The following KCNQ1 variants were observed in gnomAD, a reference collection of about 807,000 sequenced individuals.
KCNQ1 encodes the protein potassium voltage-gated channel subfamily Q member 1.
Under a neutral mutation model 72.4 loss-of-function variants are expected in KCNQ1, and 49 were observed. The observed-to-expected ratio is 0.68, with a 90% CI of 0.54 to 0.86. The LOEUF (loss-of-function observed/expected upper bound fraction) is 0.86, where lower values mean the gene tolerates loss of function less well. Ranked by LOEUF, KCNQ1 falls within the 40% of genes least tolerant of loss-of-function variation. KCNQ1 has a pLI of 0.00. For synonymous variants in KCNQ1, 450 were observed against 412.6 expected (o/e 1.09, Z -1.10); for missense variants, 790 against 945.1 (o/e 0.84, Z 2.15).
chr11:2,778,004 G>A lies in KCNQ1; in HGVS notation c.1761G>A (p.Thr587=), dbSNP rs148794853. The A allele has an allele frequency of 2.5e-5, 40 of 1,613,602 alleles. No homozygotes were observed. Among genetic ancestry groups the A allele is most frequent in the Admixed American group, 5.0e-5 (3 of 59,998 alleles). Residue 587 remains threonine, a synonymous_variant, in exon 15 of 16, where the codon ACG becomes ACA. Transcript: ENST00000155840. The part of the protein sequence containing the change: ...SEKSKDRGSN[T]IGARLNRVED... ...AGAGCAAGGATCGCGGCAGCAACACGATCGGCGCCCGCCTGAACCGAGTAG... is the reference window on the plus strand; with the variant it reads ...AGAGCAAGGATCGCGGCAGCAACACAATCGGCGCCCGCCTGAACCGAGTAG...
rs1158235444 is a variant in KCNQ1 at position 2,645,365 on chromosome 11, C to T, written c.1394-16596C>T. 1 of 398,578 alleles carries T rather than the reference C, an allele frequency of 2.5e-6. No homozygotes were observed. The highest frequency in any genetic ancestry group is 4.4e-6 in the Non-Finnish European group (1 of 226,190). The allele number at this position is 398,578 out of a possible 1,614,324, so 24.7% of individuals were successfully genotyped here. ...GGCCCAGAGATGGTATGCGCTGGCA[C>T]TGGGAGAAAAGAGGGTGGGACCAGG... On this transcript the variant is annotated intron_variant, in intron 10 of 15. Coordinates refer to ENST00000155840, the MANE Select transcript of KCNQ1 (RefSeq NM_000218.3). This position sits in a 1 kb window ranked among gnomAD's most constrained non-coding sequence, Gnocchi z 5.8.
At position 2,715,110 on chromosome 11, in the gene KCNQ1, G is replaced by A. The variant is rs1025457076; in HGVS notation, c.1514+53029G>A. On this transcript the variant is annotated intron_variant, in intron 11 of 15. Transcript: ENST00000155840. This position sits in a 1 kb window ranked among gnomAD's most constrained non-coding sequence, Gnocchi z 4.9. ...CTGATGATACTTGGCGAGGATGACCGCAAGTGTCTTGACCCAAACATGAGA... is the reference window on the plus strand; with the variant it reads ...CTGATGATACTTGGCGAGGATGACCACAAGTGTCTTGACCCAAACATGAGA... Among the ~76,000 whole-genome samples the A allele has an allele frequency of 1.4e-4, 21 of 152,074 alleles. No individual in the cohort carries two copies. The highest frequency in any genetic ancestry group is 2.1e-4 in the South Asian group (1 of 4,826).
At position 2,651,062 on chromosome 11, in the gene KCNQ1, T is replaced by G; in HGVS notation, c.1394-10899T>G. On this transcript the variant is annotated intron_variant, in intron 10 of 15. Coordinates refer to ENST00000155840, the MANE Select transcript of KCNQ1 (RefSeq NM_000218.3). This position sits in a 1 kb window ranked among gnomAD's most constrained non-coding sequence, Gnocchi z 6.1. Reference sequence around the variant, plus strand: ...ACCACCATTTCTCTGCCTACATTGTTGTCCATACCTCATTACTGGTCTCTT... The same window carrying G: ...ACCACCATTTCTCTGCCTACATTGTGGTCCATACCTCATTACTGGTCTCTT... 2.5e-6 allele frequency: 1 copy of G among 398,852 alleles called. No homozygotes were observed. The highest frequency in any genetic ancestry group is 4.4e-6 in the Non-Finnish European group (1 of 226,202). 24.7% of individuals were successfully genotyped at this position (398,852 alleles called of 1,614,324 possible). A position where few individuals can be genotyped will look rare whatever the true frequency, so the allele number is the denominator to read the frequency against.
At chr11:2,487,955 T>G (rs1343449372) in intron 1 of KCNQ1, among the ~76,000 whole-genome samples, 1 of 152,184 alleles carries the variant, frequency 6.6e-6, no homozygotes, top group Non-Finnish European at 1.5e-5. Flanking sequence ...ATTCCTGACC[T>G]TAGAGGGAAA....
At chr11:2,636,871 T>C (rs1466361136) in intron 10 of KCNQ1, 3 of 152,254 alleles carry the variant, frequency 2.0e-5, no homozygotes, top group Non-Finnish European at 4.4e-5. Context: ...GAGCCTGTTA[T>C]TGGTCTTTTC....
In KCNQ1 at chr11:2,473,419, G is replaced by A. The variant is rs1190049636; in HGVS notation, c.386+27935G>A. ...CGTCCAGCAGGAGGCAGGAGAGCTGGTGTTTGGAGATGTGAGGGGCTGGGC... is the reference window on the plus strand; with the variant it reads ...CGTCCAGCAGGAGGCAGGAGAGCTGATGTTTGGAGATGTGAGGGGCTGGGC... On this transcript the variant is annotated intron_variant, in intron 1 of 15. Coordinates refer to ENST00000155840, the MANE Select transcript of KCNQ1 (RefSeq NM_000218.3). The surrounding 1 kb of genome is among the most constrained non-coding windows in gnomAD (Gnocchi z 6.0). Among the ~76,000 whole-genome samples the A allele has an allele frequency of 6.6e-6, 1 of 152,114 alleles. No homozygotes were observed.
chr11:2,790,064 T>C (rs1257421421), intron 15 of KCNQ1, among the ~76,000 whole-genome samples: 3 of 152,202 alleles, frequency 2.0e-5, no homozygotes, highest in Non-Finnish European at 4.4e-5. Flanking sequence ...CATATCCCTT[T>C]GACCACCAGG....
At chr11:2,753,590 C>T (rs1219036273) in intron 11 of KCNQ1, among the ~76,000 whole-genome samples, 1 of 152,196 alleles carries the variant, frequency 6.6e-6, no homozygotes, top group East Asian at 1.9e-4. Flanking sequence ...GAAGTATACA[C>T]CTCAGTGGCT....
chr11:2,796,407 A>G (rs958163580), intron 15 of KCNQ1, among the ~76,000 whole-genome samples: 2 of 152,200 alleles, frequency 1.3e-5, no homozygotes, highest in Admixed American at 6.5e-5. Context: ...GGTGGCAGGA[A>G]GCACCCATCG....
chr11:2,644,338 T>G (rs1849631996), intron 10 of KCNQ1: 1 of 398,276 alleles, frequency 2.5e-6, no homozygotes, highest in African/African-American at 2.1e-5. Flanking sequence ...GTGAAATTCT[T>G]TCTTCTGCTT....
intron 11 of KCNQ1, among the ~76,000 whole-genome samples, chr11:2,737,935 G>A (rs1389333158): frequency 6.6e-6 from 1 of 152,144 alleles, no homozygotes; most frequent in Non-Finnish European, 1.5e-5. Flanking sequence ...ACACCTGGGG[G>A]CACAGAATGA....
At chr11:2,779,842 C>T (rs1287559355) in intron 15 of KCNQ1, among the ~76,000 whole-genome samples, 1 of 152,196 alleles carries the variant, frequency 6.6e-6, no homozygotes, top group Non-Finnish European at 1.5e-5. Flanking sequence ...GCAGAGGGGC[C>T]AGCGCTGGCC....
At chr11:2,798,000 C>T (rs550032404) in intron 15 of KCNQ1, among the ~76,000 whole-genome samples, 2 of 152,336 alleles carry the variant, frequency 1.3e-5, no homozygotes, top group Admixed American at 1.3e-4. Flanking sequence ...AGGCCAAGTT[C>T]AGCCCTCTCA....
chr11:2,696,821 G>C (rs2133898742), intron 11 of KCNQ1: 1 of 398,554 alleles, frequency 2.5e-6, no homozygotes, highest in Non-Finnish European at 4.4e-6. Flanking sequence ...TCTGATTGCT[G>C]TCCTAATCTC....
In KCNQ1 at chr11:2,687,586, G is replaced by A; in HGVS notation, c.1514+25505G>A. 1 of 398,728 alleles carries A rather than the reference G, an allele frequency of 2.5e-6. No individual in the cohort carries two copies. Among genetic ancestry groups the A allele is most frequent in the East Asian group, 3.6e-5 (1 of 28,084 alleles). 24.7% of individuals were successfully genotyped at this position (398,728 alleles called of 1,614,324 possible). A position where few individuals can be genotyped will look rare whatever the true frequency, so the allele number is the denominator to read the frequency against. On this transcript the variant is annotated intron_variant, in intron 11 of 15. Transcript: ENST00000155840. The surrounding 1 kb of genome is among the most constrained non-coding windows in gnomAD (Gnocchi z 5.0). ...TGATGACCCCCTGTCAAGGAGGTGTGACTGAGAAAGGAAGGGGCAGAGATC... is the reference window on the plus strand; with the variant it reads ...TGATGACCCCCTGTCAAGGAGGTGTAACTGAGAAAGGAAGGGGCAGAGATC...
At chr11:2,729,721 A>G (rs1845821056) in intron 11 of KCNQ1, among the ~76,000 whole-genome samples, 1 of 152,130 alleles carries the variant, frequency 6.6e-6, no homozygotes, top group South Asian at 2.1e-4. Context: ...TCAGTATCAC[A>G]CCATTTCGTA....
In KCNQ1 at chr11:2,713,867, C is replaced by G. The variant is rs1461427092; in HGVS notation, c.1514+51786C>G. ...GCAATATTGCTTCCAGATGGGCAAA[C>G]GCGCGCTCGGAGCCTGGCCCTGCAG... On this transcript the variant is annotated intron_variant, in intron 11 of 15. Transcript: ENST00000155840. This position sits in a 1 kb window ranked among gnomAD's most constrained non-coding sequence, Gnocchi z 5.6. 6.6e-6 allele frequency among the ~76,000 whole-genome samples: 1 copy of G among 152,232 alleles called. No homozygotes were observed. Among genetic ancestry groups the G allele is most frequent in the Non-Finnish European group, 1.5e-5 (1 of 68,036 alleles).
rs1847298662 is a variant in KCNQ1, at chr11:2,516,988, C to T, written c.387-10940C>T. 1.3e-5 allele frequency among the ~76,000 whole-genome samples: 2 copies of T among 152,178 alleles called. No individual in the cohort carries two copies. The highest frequency in any genetic ancestry group is 1.3e-4 in the Admixed American group (2 of 15,294). Reference sequence around the variant, plus strand: ...CTCTGAAGGGCTTTGACGTGACACTCGGGATGGCATGGCAGGGCCCTCAAG... The same window carrying T: ...CTCTGAAGGGCTTTGACGTGACACTTGGGATGGCATGGCAGGGCCCTCAAG... On this transcript the variant is annotated intron_variant, in intron 1 of 15. Transcript: ENST00000155840. The surrounding 1 kb of genome is among the most constrained non-coding windows in gnomAD (Gnocchi z 7.0).
chr11:2,570,481 T>C, intron 2 of KCNQ1, 147 bp from the exon 3 acceptor site: 1 of 1,032,866 alleles, frequency 9.7e-7, no homozygotes, highest in African/African-American at 1.6e-5. Context: ...GGCATCACCA[T>C]CCGCAGCAGG....
Sources: allele counts gnomAD v4.1 joint callset (sites outside exome capture counted in the v4.1 genomes callset), GRCh38; gene constraint gnomAD v4.1.1; non-coding constraint Gnocchi (gnomAD v3.1); transcripts MANE v1.5; gene names NCBI Gene and HGNC (gene_info 2026-07-23, HGNC 2026-07-21).